The following MCTP2 variants were observed in gnomAD, a reference collection of about 807,000 sequenced individuals.
MCTP2 encodes the protein multiple C2 and transmembrane domain-containing protein 2.
MCTP2 carries 132 observed loss-of-function variants against 111.6 expected under a neutral mutation model. That is an observed-to-expected ratio of 1.18 (90% CI 1.03 to 1.37). The LOEUF is 1.37. Among genes scored for constraint, MCTP2 ranks in the 40% most tolerant of loss-of-function variants. The pLI is 0.00. For synonymous variants in MCTP2, 395 were observed against 387.7 expected (o/e 1.02, Z -0.22); for missense variants, 1,183 against 1,067.9 (o/e 1.11, Z -1.50).
At chr15:94,382,661 G>A (rs2080210835) in intron 12 of MCTP2, among the ~76,000 whole-genome samples, 1 of 152,254 alleles carries the variant, frequency 6.6e-6, no homozygotes, top group South Asian at 2.1e-4. Flanking sequence ...ATTAGATGGA[G>A]GTTCAGTGAC....
intron 1 of MCTP2, among the ~76,000 whole-genome samples, chr15:94,267,883 T>TTTTTTTTTTTTTTTTTA (rs71132995): frequency 1.5e-5 from 2 of 137,890 alleles, no homozygotes; most frequent in Non-Finnish European, 3.1e-5. Flanking sequence ...TTTTTTTTTT[T>TTTTTTTTTTTTTTTTTA]GAGACAGAGT....
intron 21 of MCTP2, among the ~76,000 whole-genome samples, chr15:94,473,239 T>C (rs1404300305): frequency 6.6e-6 from 1 of 152,188 alleles, no homozygotes; most frequent in Non-Finnish European, 1.5e-5. Flanking sequence ...ACAGGTGAGA[T>C]GCTTTATTTC....
chr15:94,341,758 T>C (rs1241880996), intron 7 of MCTP2: 1 of 152,200 alleles, frequency 6.6e-6, no homozygotes, highest in African/African-American at 2.4e-5. Flanking sequence ...TCAGTTACCT[T>C]TTCAAAGATT....
Position 94,439,021 on chromosome 15 carries a change from G to A in MCTP2, c.2086-1155G>A, listed in dbSNP as rs138029054. Among the ~76,000 whole-genome samples, 499 of 152,076 alleles carry A rather than the reference G, an allele frequency of 3.3e-3. 2 individuals are homozygous for A. The highest frequency in any genetic ancestry group is 0.011 in the African/African-American group (464 of 41,524). ...TGACTATATTCTTAGAAGCCTCGCA[G>A]GAATGAAATAAACTATTTGATACAA... On this transcript the variant is annotated intron_variant, in intron 17 of 22. Transcript: ENST00000357742.
chr15:94,280,832 A>T (rs190102096), intron 1 of MCTP2, among the ~76,000 whole-genome samples: 27 of 152,252 alleles, frequency 1.8e-4, no homozygotes, highest in Admixed American at 1.8e-3. Context: ...TTTCTGCCTT[A>T]ATTTCATTAT....
chr15:94,465,501 T>G (rs2073196333), intron 20 of MCTP2, among the ~76,000 whole-genome samples: 1 of 152,188 alleles, frequency 6.6e-6, no homozygotes, highest in South Asian at 2.1e-4. Context: ...AGATATCTTA[T>G]TGTATGTAAC....
At chr15:94,402,585 C>T (rs974007347) in intron 17 of MCTP2, 1 of 1,551,314 alleles carries the variant, frequency 6.4e-7, no homozygotes, top group Non-Finnish European at 8.7e-7. Flanking sequence ...AATCAAAGCG[C>T]TGCAAGAGAT....
chr15:94,413,231 AT>A (rs1289578196), intron 17 of MCTP2, among the ~76,000 whole-genome samples: 1 of 152,180 alleles, frequency 6.6e-6, no homozygotes, highest in Admixed American at 6.6e-5. Flanking sequence ...TCAGCAATTT[AT>A]TTTTAATTTG....
In MCTP2 at chr15:94,453,671, TATAAATAAAAAC is replaced by T. The variant is rs544540620; in HGVS notation, c.2251-4464_2251-4453del. Among the ~76,000 whole-genome samples the T allele has an allele frequency of 3.5e-3, 527 of 152,360 alleles. 1 individual carries two copies. The highest frequency in any genetic ancestry group is 6.2e-3 in the Admixed American group (95 of 15,300). On this transcript the variant is annotated intron_variant, in intron 19 of 22. Coordinates refer to ENST00000357742, the MANE Select transcript of MCTP2 (RefSeq NM_001385001.1). ...ACTTATCTTTTTTACTTTTTCAGTATATAAATAAAAACACAAAGATTACATATTTAATGAATA... is the reference window on the plus strand; with the variant it reads ...ACTTATCTTTTTTACTTTTTCAGTATACAAAGATTACATATTTAATGAATA...
chr15:94,443,583 A>G (rs992317394), intron 19 of MCTP2, among the ~76,000 whole-genome samples: 2 of 152,190 alleles, frequency 1.3e-5, no homozygotes, highest in African/African-American at 4.8e-5. Flanking sequence ...GGTAACATGT[A>G]GGAAGCTTGT....
In MCTP2 at chr15:94,324,577, T is replaced by C. The variant is rs74620145; in HGVS notation, c.637+8940T>C. 5.3e-3 allele frequency among the ~76,000 whole-genome samples: 814 copies of C among 152,316 alleles called. 6 individuals carry two copies. Among genetic ancestry groups the C allele is most frequent in the African/African-American group, 0.019 (780 of 41,562 alleles). On this transcript the variant is annotated intron_variant, in intron 4 of 22. Transcript: ENST00000357742. ...AATGAACACTCATTCAGAAAACTGC[T>C]CTCTTTCTCAATTTCCAGCACAGGT...
intron 1 of MCTP2, among the ~76,000 whole-genome samples, chr15:94,243,978 C>G (rs923461619): frequency 6.9e-6 from 1 of 145,794 alleles, no homozygotes; most frequent in East Asian, 2.1e-4. Flanking sequence ...CATATGTATA[C>G]ACATACATAT....
At position 94,314,308 on chromosome 15, in the gene MCTP2, T is replaced by A; in HGVS notation, c.492T>A (p.Asn164Lys). ...AGCTATGTGGAAGCAGTGACCTGAATGCTTCTATGACATCTCAACATTTTG... is the reference window on the plus strand; with the variant it reads ...AGCTATGTGGAAGCAGTGACCTGAAAGCTTCTATGACATCTCAACATTTTG... ...PEKLCGSSDL[N>K]ASMTSQHFEE... is the part of the protein sequence containing the mutation. The change falls in exon 3 of 23, where the codon AAT (asparagine) becomes AAA (lysine). Residue 164 changes from asparagine (N) to lysine (K), a missense_variant. Physicochemically the swap from Asn to Lys is moderately conservative, Grantham distance 94 (BLOSUM62 0). Transcript: ENST00000357742. 1 of 1,610,386 alleles carries A rather than the reference T, an allele frequency of 6.2e-7. No individual in the cohort carries two copies. The highest frequency in any genetic ancestry group is 8.5e-7 in the Non-Finnish European group (1 of 1,178,806).
chr15:94,367,598 T>G lies in MCTP2; in HGVS notation c.1302-7T>G, dbSNP rs770044172. 1 of 1,604,132 alleles carries G rather than the reference T, an allele frequency of 6.2e-7. No homozygotes were observed. The highest frequency in any genetic ancestry group is 8.5e-7 in the Non-Finnish European group (1 of 1,175,906). ...TTTCTCTCTCTTGATTCCTGAAACTTTTCTAGGTGTAAAGTGGATATCTCG... is the reference window on the plus strand; with the variant it reads ...TTTCTCTCTCTTGATTCCTGAAACTGTTCTAGGTGTAAAGTGGATATCTCG... On this transcript the variant is annotated splice_polypyrimidine_tract_variant and splice_region_variant and intron_variant, in intron 10 of 22. Coordinates refer to ENST00000357742, the MANE Select transcript of MCTP2 (RefSeq NM_001385001.1).
chr15:94,417,614 G>A (rs563608194), intron 17 of MCTP2, among the ~76,000 whole-genome samples: 5 of 152,208 alleles, frequency 3.3e-5, no homozygotes, highest in African/African-American at 1.2e-4. Context: ...CTCTTGATCA[G>A]AATAAATTCA....
intron 8 of MCTP2, among the ~76,000 whole-genome samples, chr15:94,347,115 CTT>C (rs2152413122): frequency 6.6e-6 from 1 of 152,192 alleles, no homozygotes; most frequent in Admixed American, 6.5e-5. Context: ...ATTATGTTGA[CTT>C]TTTGCTTCTG....
At chr15:94,464,577 T>TCTAA (rs1039880020) in intron 20 of MCTP2, among the ~76,000 whole-genome samples, 4 of 151,854 alleles carry the variant, frequency 2.6e-5, no homozygotes, top group African/African-American at 9.7e-5. Flanking sequence ...CGTATATTTT[T>TCTAA]CTAACTCTTT....
intron 1 of MCTP2, among the ~76,000 whole-genome samples, chr15:94,243,697 GCGTATATACACATATA>G (rs2071341243): frequency 7.3e-6 from 1 of 137,834 alleles, no homozygotes; most frequent in Non-Finnish European, 1.6e-5. Context: ...ACATACATAT[GCGTATATACACATATA>G]TGTATACACA....
At chr15:94,238,675 C>T (rs10163015) in intron 1 of MCTP2, among the ~76,000 whole-genome samples, 44,795 of 151,922 alleles carry the variant, frequency 0.29, 6,888 homozygotes, top group Non-Finnish European at 0.35. Context: ...TACAATGAAG[C>T]GTGCTGTTCG....
Sources: allele counts gnomAD v4.1 joint callset (sites outside exome capture counted in the v4.1 genomes callset), GRCh38; gene constraint gnomAD v4.1.1; transcripts MANE v1.5; gene names NCBI Gene and HGNC (gene_info 2026-07-23, HGNC 2026-07-21).